Variants in KCNIP4 observed in about 807,000 individuals in gnomAD.
KCNIP4 encodes Kv channel-interacting protein 4.
KCNIP4 carries 12 observed loss-of-function variants against 34.0 expected under a neutral mutation model. That is an observed-to-expected ratio of 0.35 (90% CI 0.23 to 0.57). KCNIP4 has a LOEUF of 0.57. Ranked by LOEUF, KCNIP4 falls within the 20% of genes least tolerant of loss-of-function variation. KCNIP4 has a pLI of 0.83. For missense variants in KCNIP4, 238 were observed against 311.7 expected (o/e 0.76, Z 1.78); for synonymous variants, 124 against 102.2 (o/e 1.21, Z -1.29).
chr4:21,184,393 G>C (rs372434131), intron 1 of KCNIP4, among the ~76,000 whole-genome samples: 7 of 152,106 alleles, frequency 4.6e-5, no homozygotes, highest in African/African-American at 9.7e-5. Context: ...TTTTGCAATA[G>C]CAGATACTCA....
intron 1 of KCNIP4, among the ~76,000 whole-genome samples, chr4:21,137,640 T>C (rs1425001940): frequency 6.6e-6 from 1 of 152,156 alleles, no homozygotes; most frequent in African/African-American, 2.4e-5. Context: ...TCTGTTCATC[T>C]GCTCAACAGG....
chr4:20,924,361 C>G lies in KCNIP4; in HGVS notation c.62-41652G>C, dbSNP rs560603864. Among the ~76,000 whole-genome samples, 412 of 152,302 alleles carry G rather than the reference C, an allele frequency of 2.7e-3. 3 individuals are homozygous for G. Among genetic ancestry groups the G allele is most frequent in the African/African-American group, 9.4e-3 (391 of 41,586 alleles). On this transcript the variant is annotated intron_variant, in intron 1 of 8. Coordinates refer to ENST00000382152, the MANE Select transcript of KCNIP4 (RefSeq NM_025221.6). ...TGGTGGTACCAAGCCTAAGCACGATCTTTGTGTCAGATGAACTTTGAGATG... is the reference window on the plus strand; with the variant it reads ...TGGTGGTACCAAGCCTAAGCACGATGTTTGTGTCAGATGAACTTTGAGATG...
At chr4:21,321,476 A>G (rs1714408587) in intron 1 of KCNIP4, among the ~76,000 whole-genome samples, 1 of 152,168 alleles carries the variant, frequency 6.6e-6, no homozygotes, top group Non-Finnish European at 1.5e-5. Context: ...GTTCTACAAG[A>G]TAGAACTAGT....
chr4:20,868,342 A>C (rs765541093), intron 2 of KCNIP4, among the ~76,000 whole-genome samples: 7 of 152,068 alleles, frequency 4.6e-5, no homozygotes, highest in African/African-American at 7.2e-5. Context: ...AAGTCCAAAA[A>C]CAGATGCTGG....
chr4:21,544,096 A>G (rs765233354), intron 1 of KCNIP4, among the ~76,000 whole-genome samples: 2 of 152,134 alleles, frequency 1.3e-5, no homozygotes, highest in East Asian at 3.9e-4. Flanking sequence ...TCTGGAGTTC[A>G]TATTTTCCGG....
intron 5 of KCNIP4, among the ~76,000 whole-genome samples, chr4:20,749,157 A>C (rs1020384158): frequency 5.4e-3 from 278 of 51,544 alleles, no homozygotes; most frequent in South Asian, 0.014. Flanking sequence ...GACTCTTTCA[A>C]AAAAAAAAAA....
At chr4:21,076,896 G>C (rs543785666) in intron 1 of KCNIP4, among the ~76,000 whole-genome samples, 4 of 152,146 alleles carry the variant, frequency 2.6e-5, no homozygotes, top group Admixed American at 6.6e-5. Flanking sequence ...GCCAAAGCAG[G>C]TGGATTGCCT....
At chr4:21,168,318 A>G (rs141986593) in intron 1 of KCNIP4, among the ~76,000 whole-genome samples, 3 of 152,278 alleles carry the variant, frequency 2.0e-5, no homozygotes, top group East Asian at 1.9e-4. Context: ...GGGAACCACA[A>G]GTTTCAGACT....
At chr4:21,353,754 C>T (rs749060940) in intron 1 of KCNIP4, among the ~76,000 whole-genome samples, 1 of 152,146 alleles carries the variant, frequency 6.6e-6, no homozygotes, top group Non-Finnish European at 1.5e-5. Flanking sequence ...ACTTCCTCAA[C>T]CTAGCAAGGT....
chr4:21,473,440 ACT>A (rs1158754641), intron 1 of KCNIP4, among the ~76,000 whole-genome samples: 2 of 152,094 alleles, frequency 1.3e-5, no homozygotes, highest in Non-Finnish European at 2.9e-5. Flanking sequence ...AGGCTGTAAA[ACT>A]CTACAAAATA....
chr4:21,476,647 CTATTT>C (rs1731007238), intron 1 of KCNIP4, among the ~76,000 whole-genome samples: 1 of 152,114 alleles, frequency 6.6e-6, no homozygotes, highest in South Asian at 2.1e-4. Flanking sequence ...CAATAAATCC[CTATTT>C]TAAATATTAA....
chr4:21,051,621 GA>G (rs924319206), intron 1 of KCNIP4, among the ~76,000 whole-genome samples: 4 of 151,778 alleles, frequency 2.6e-5, no homozygotes, highest in Admixed American at 6.6e-5. Flanking sequence ...TGGCAGTAAG[GA>G]AAAAACAACT....
intron 1 of KCNIP4, among the ~76,000 whole-genome samples, chr4:21,647,357 A>G (rs950725321): frequency 5.9e-5 from 9 of 152,114 alleles, no homozygotes; most frequent in Admixed American, 1.3e-4. Flanking sequence ...AATTTTAAAC[A>G]TTCTTTTTCA....
chr4:20,743,619 T>C (rs1221217439), intron 5 of KCNIP4, among the ~76,000 whole-genome samples: 2 of 152,108 alleles, frequency 1.3e-5, no homozygotes, highest in Non-Finnish European at 2.9e-5. Context: ...AAAAATTAAT[T>C]CAAGATGGAT....
In KCNIP4 at chr4:21,206,863, G is replaced by A. The variant is rs778295341; in HGVS notation, c.62-324154C>T. Among the ~76,000 whole-genome samples the A allele has an allele frequency of 1.1e-4, 17 of 152,200 alleles. No homozygotes were observed. In the South Asian group the frequency reaches 2.5e-3, roughly 22 times the overall value. On this transcript the variant is annotated intron_variant, in intron 1 of 8. Transcript: ENST00000382152. ...AGGTGGAGCCAGAATTCAATCGTGG[G>A]GCTATCCAATTTGGAAATCCATGCT... is the stretch of plus-strand genomic sequence containing the variant.
chr4:21,682,360 G>T (rs548414656), intron 1 of KCNIP4, among the ~76,000 whole-genome samples: 1 of 152,104 alleles, frequency 6.6e-6, no homozygotes, highest in African/African-American at 2.4e-5. Context: ...TTTGGGCAGG[G>T]ACACATATCC....
At chr4:21,474,197 A>G (rs1730714853) in intron 1 of KCNIP4, among the ~76,000 whole-genome samples, 1 of 152,176 alleles carries the variant, frequency 6.6e-6, no homozygotes, top group African/African-American at 2.4e-5. Context: ...TCAGTGGAAT[A>G]TATTTAGCTG....
intron 1 of KCNIP4, among the ~76,000 whole-genome samples, chr4:21,930,991 C>T (rs1372498333): frequency 6.6e-6 from 1 of 152,124 alleles, no homozygotes; most frequent in Non-Finnish European, 1.5e-5. Flanking sequence ...AACAGACAAA[C>T]TCTAAACTCA....
intron 3 of KCNIP4, among the ~76,000 whole-genome samples, chr4:20,786,888 T>C (rs1030490342): frequency 2.6e-5 from 4 of 152,130 alleles, no homozygotes; most frequent in Admixed American, 1.3e-4. Flanking sequence ...CTTAACATCA[T>C]AGCATGTGTT....
Sources: gnomAD v4.1 joint callset for allele counts (sites outside exome capture counted in the v4.1 genomes callset) on GRCh38, gnomAD v4.1.1 for gene constraint, MANE v1.5 for transcripts, NCBI Gene and HGNC (gene_info 2026-07-23, HGNC 2026-07-21) for gene names.